KIF18A: variants seen among roughly 807,000 people sequenced by gnomAD.
KIF18A encodes the protein kinesin-like protein KIF18A.
Under a neutral mutation model 103.3 loss-of-function variants are expected in KIF18A, and 67 were observed. The ratio of observed to expected loss-of-function variants is 0.65; its 90% CI spans 0.53 to 0.79. The LOEUF is 0.79. KIF18A is among the 30% of genes least tolerant of loss of function. The pLI, the probability that KIF18A is intolerant of heterozygous loss-of-function variation, is 0.00. For synonymous variants in KIF18A, 367 were observed against 355.5 expected, an observed-to-expected ratio of 1.03 and a Z score of -0.36; for missense variants, 1,032 against 1,062.5, an observed-to-expected ratio of 0.97 and a Z score of 0.40.
intron 12 of KIF18A, among the ~76,000 whole-genome samples, 194 bp from the exon 13 acceptor site, chr11:28,059,355 C>T (rs951833117): frequency 6.6e-6 from 1 of 152,064 alleles, no homozygotes; most frequent in Non-Finnish European, 1.5e-5. Flanking sequence ...GAAGTTTTTC[C>T]TCTGTAATGT....
intron 10 of KIF18A, among the ~76,000 whole-genome samples, chr11:28,072,774 A>C (rs76795988): frequency 0.03 from 4,577 of 151,944 alleles, 84 homozygotes; most frequent in Non-Finnish European, 0.045. Context: ...CAGAAAAAAA[A>C]AAAACAAAAC....
chr11:28,024,930 G>A (rs1026447998), intron 15 of KIF18A, among the ~76,000 whole-genome samples: 7 of 151,666 alleles, frequency 4.6e-5, no homozygotes, highest in African/African-American at 1.2e-4. Context: ...GTATCAAACC[G>A]GATATATACT....
intron 15 of KIF18A, among the ~76,000 whole-genome samples, chr11:28,024,321 T>C (rs894588823): frequency 5.3e-5 from 8 of 151,294 alleles, no homozygotes; most frequent in Non-Finnish European, 1.0e-4. Flanking sequence ...ACAATAAAAA[T>C]CTCTAATTAT....
chr11:28,062,760 C>T (rs1252116899), intron 11 of KIF18A, among the ~76,000 whole-genome samples: 1 of 151,970 alleles, frequency 6.6e-6, no homozygotes, highest in African/African-American at 2.4e-5. Flanking sequence ...ACTATGATGA[C>T]AGCTTCTTGG....
At chr11:28,050,123 T>A (rs1201670899) in intron 13 of KIF18A, among the ~76,000 whole-genome samples, 6 of 151,826 alleles carry the variant, frequency 4.0e-5, no homozygotes, top group Admixed American at 3.9e-4. Context: ...CTTTTGATAT[T>A]TTTTCTGTGG....
At chr11:28,072,601 C>G (rs1227566348) in intron 10 of KIF18A, among the ~76,000 whole-genome samples, 6 of 151,994 alleles carry the variant, frequency 3.9e-5, no homozygotes. Context: ...GTTAACTACA[C>G]CCAATAACTC....
At chr11:28,063,009 G>C (rs2133531135) in intron 11 of KIF18A, among the ~76,000 whole-genome samples, 1 of 152,122 alleles carries the variant, frequency 6.6e-6, no homozygotes. Flanking sequence ...CAGGCACCGA[G>C]TCAGGTTAGT....
chr11:28,097,492 T>C (rs1851389460), intron 2 of KIF18A, 131 bp downstream of exon 2: 1 of 700,228 alleles, frequency 1.4e-6, no homozygotes, highest in Non-Finnish European at 2.5e-6. Context: ...TCAAGTCTAT[T>C]GAATTTCTTA....
intron 4 of KIF18A, among the ~76,000 whole-genome samples, 169 bp downstream of exon 4, chr11:28,091,240 A>G (rs781163329): frequency 1.3e-5 from 2 of 152,184 alleles, no homozygotes; most frequent in Non-Finnish European, 2.9e-5. Context: ...AGTTCACTCT[A>G]TTTTAAAAGA....
chr11:28,088,605 C>G lies in KIF18A; in HGVS notation c.816G>C (p.Gly272=), dbSNP rs1365043624. The G allele has an allele frequency of 6.2e-7, 1 of 1,613,966 alleles. No individual in the cohort carries two copies. Among genetic ancestry groups the G allele is most frequent in the Non-Finnish European group, 8.5e-7 (1 of 1,179,916 alleles). The change falls in exon 6 of 17, where the codon GGG becomes GGC. Residue 272 remains glycine (G), a synonymous_variant. Transcript: ENST00000263181. ...TATTTGTGCCTTCTACAAATCGGGT[C>G]CCCTTAGCACCGGAAGTACTTGCTC... The part of the protein sequence containing the change: ...SERASTSGAK[G]TRFVEGTNIN...
chr11:28,044,764 G>GA (rs1361632646), intron 13 of KIF18A, among the ~76,000 whole-genome samples: 1 of 147,934 alleles, frequency 6.8e-6, no homozygotes, highest in Non-Finnish European at 1.5e-5. Context: ...TCATGGATTA[G>GA]ATGGAGAAGA....
chr11:28,061,979 T>C (rs183403429), intron 12 of KIF18A, among the ~76,000 whole-genome samples: 3 of 152,198 alleles, frequency 2.0e-5, no homozygotes, highest in Non-Finnish European at 1.5e-5. Flanking sequence ...TTTAGCAACT[T>C]CACTGTAATG....
At chr11:28,087,093 T>C (rs1851238509) in intron 6 of KIF18A, among the ~76,000 whole-genome samples, 1 of 152,202 alleles carries the variant, frequency 6.6e-6, no homozygotes, top group Non-Finnish European at 1.5e-5. Flanking sequence ...ATTTTTTAAT[T>C]ATATTTTAAG....
At chr11:28,081,662 T>C (rs984347030) in intron 9 of KIF18A, among the ~76,000 whole-genome samples, 1 of 152,198 alleles carries the variant, frequency 6.6e-6, no homozygotes, top group Non-Finnish European at 1.5e-5. Context: ...GTTGTTTTCA[T>C]GTCTGCTAAC....
chr11:28,073,972 T>C (rs1396699985), intron 10 of KIF18A, among the ~76,000 whole-genome samples: 1 of 151,990 alleles, frequency 6.6e-6, no homozygotes, highest in Non-Finnish European at 1.5e-5. Context: ...TAATTGACAC[T>C]TATATAATCT....
At chr11:28,065,924 T>C (rs536166422) in intron 11 of KIF18A, among the ~76,000 whole-genome samples, 2 of 152,172 alleles carry the variant, frequency 1.3e-5, no homozygotes, top group African/African-American at 4.8e-5. Context: ...TTAATGCCAC[T>C]GAACTGTATA....
chr11:28,061,905 T>A (rs1283345029), intron 12 of KIF18A, among the ~76,000 whole-genome samples: 1 of 152,150 alleles, frequency 6.6e-6, no homozygotes, highest in Non-Finnish European at 1.5e-5. Flanking sequence ...ATGTTACTAC[T>A]GAGCTAGAAG....
chr11:28,024,320 ATC>A (rs1850285849), intron 15 of KIF18A, among the ~76,000 whole-genome samples: 1 of 152,068 alleles, frequency 6.6e-6, no homozygotes, highest in Non-Finnish European at 1.5e-5. Flanking sequence ...AACAATAAAA[ATC>A]TCTAATTATT....
At chr11:28,046,252 T>C (rs1850631886) in intron 13 of KIF18A, among the ~76,000 whole-genome samples, 1 of 151,008 alleles carries the variant, frequency 6.6e-6, no homozygotes, top group South Asian at 2.1e-4. Flanking sequence ...CACACGTATG[T>C]TTATTGCGGC....
Sources: allele counts gnomAD v4.1 joint callset (sites outside exome capture counted in the v4.1 genomes callset), GRCh38; gene constraint gnomAD v4.1.1; transcripts MANE v1.5; gene names NCBI Gene and HGNC (gene_info 2026-07-23, HGNC 2026-07-21).